The following PTPRR variants were observed in gnomAD, a reference collection of about 807,000 sequenced individuals.
The protein encoded by PTPRR is protein tyrosine phosphatase receptor type R, also known as receptor-type tyrosine-protein phosphatase R.
In PTPRR, 38 loss-of-function variants were observed where a neutral mutation model predicts 77.2. The ratio of observed to expected loss-of-function variants is 0.49; its 90% CI spans 0.38 to 0.65. The LOEUF is 0.65. Ranked by LOEUF, PTPRR falls within the 30% of genes least tolerant of loss-of-function variation. PTPRR has a pLI of 0.00. For synonymous variants in PTPRR, 299 were observed against 283.1 expected, an observed-to-expected ratio of 1.06 and a Z score of -0.57; for missense variants, 744 against 799.2, an observed-to-expected ratio of 0.93 and a Z score of 0.83.
At chr12:70,766,820 C>A (rs1423516452) in intron 2 of PTPRR, among the ~76,000 whole-genome samples, 1 of 152,166 alleles carries the variant, frequency 6.6e-6, no homozygotes, top group African/African-American at 2.4e-5. Context: ...GATCTCTCAA[C>A]AGAAACTCTA....
intron 2 of PTPRR, among the ~76,000 whole-genome samples, chr12:70,855,030 A>G (rs1892629886): frequency 6.6e-6 from 1 of 152,198 alleles, no homozygotes; most frequent in Non-Finnish European, 1.5e-5. Flanking sequence ...TGAAGAGTGC[A>G]TAGTTTGCCT....
chr12:70,723,973 T>C (rs1889347791), intron 6 of PTPRR, among the ~76,000 whole-genome samples: 1 of 152,060 alleles, frequency 6.6e-6, no homozygotes, highest in African/African-American at 2.4e-5. Context: ...CTCCCCAAAA[T>C]TAGACAAACA....
At chr12:70,708,357 G>A (rs1206815438) in intron 6 of PTPRR, among the ~76,000 whole-genome samples, 1 of 152,032 alleles carries the variant, frequency 6.6e-6, no homozygotes, top group Non-Finnish European at 1.5e-5. Flanking sequence ...GAATTGGGGG[G>A]ACTATATTAA....
chr12:70,859,562 G>T (rs1293791908), intron 2 of PTPRR, among the ~76,000 whole-genome samples: 1 of 151,992 alleles, frequency 6.6e-6, no homozygotes, highest in Non-Finnish European at 1.5e-5. Flanking sequence ...ATAATGAATA[G>T]AATAGTCATT....
chr12:70,879,337 T>C (rs1418354118), intron 2 of PTPRR, among the ~76,000 whole-genome samples: 1 of 152,086 alleles, frequency 6.6e-6, no homozygotes, highest in Non-Finnish European at 1.5e-5. Context: ...CCTCCCTCCT[T>C]GTTTATTTTT....
At chr12:70,820,502 T>A (rs953713963) in intron 2 of PTPRR, among the ~76,000 whole-genome samples, 4 of 152,090 alleles carry the variant, frequency 2.6e-5, no homozygotes, top group African/African-American at 9.7e-5. Flanking sequence ...CCTGGCTAAT[T>A]TTTTGTATTT....
At position 70,662,489 on chromosome 12, in the gene PTPRR, T is replaced by G; in HGVS notation, c.1608+6A>C. 1.3e-6 allele frequency: 2 copies of G among 1,548,698 alleles called. No individual in the cohort carries two copies. The highest frequency in any genetic ancestry group is 1.8e-6 in the Non-Finnish European group (2 of 1,124,084). On this transcript the variant is annotated splice_donor_region_variant and intron_variant, in intron 11 of 13. Transcript: ENST00000283228. ...TTTGTAGATGGCTATAGCTACATAATCTTACCTTTAAGACAAGGTTTCGAA... is the reference window on the plus strand; with the variant it reads ...TTTGTAGATGGCTATAGCTACATAAGCTTACCTTTAAGACAAGGTTTCGAA...
intron 4 of PTPRR, chr12:70,754,516 C>A: frequency 1.9e-6 from 3 of 1,578,922 alleles, no homozygotes; most frequent in Admixed American, 3.5e-5. Context: ...CAGGAGCAAG[C>A]GTGCCTGACA....
intron 2 of PTPRR, among the ~76,000 whole-genome samples, chr12:70,814,194 C>T (rs1468344037): frequency 6.6e-6 from 1 of 152,178 alleles, no homozygotes; most frequent in East Asian, 1.9e-4. Flanking sequence ...CTTTTTCTCC[C>T]TCTTCCTCAT....
At chr12:70,865,225 C>A (rs755370626) in intron 2 of PTPRR, among the ~76,000 whole-genome samples, 2 of 110,846 alleles carry the variant, frequency 1.8e-5, no homozygotes, top group African/African-American at 2.6e-5. Flanking sequence ...GTGAGGCCTC[C>A]CCAGCTACGT....
Position 70,639,208 on chromosome 12 carries a change from T to C in PTPRR, c.1950A>G (p.Arg650=), listed in dbSNP as rs1885894618. Residue 650 remains arginine (R), a synonymous_variant, in exon 14 of 14, where the codon AGA becomes AGG. Coordinates refer to ENST00000283228, the MANE Select transcript of PTPRR (RefSeq NM_002849.4). ...CTCACTGGACAGTCTCTGCTGAAAG[T>C]CTGCTCTCATACAGGCACAGAGCAT... ...VHHALCLYES[R]LSAETVQ is the part of the protein sequence containing the mutation. The C allele has an allele frequency of 1.2e-6, 2 of 1,613,422 alleles. No individual in the cohort carries two copies. Among genetic ancestry groups the C allele is most frequent in the Middle Eastern group, 1.7e-4 (1 of 6,058 alleles).
In PTPRR at chr12:70,892,760, C is replaced by T. The variant is rs754622261; in HGVS notation, c.276G>A (p.Pro92=). 32 of 1,613,176 alleles carry T rather than the reference C, an allele frequency of 2.0e-5. No homozygotes were observed. Among genetic ancestry groups the T allele is most frequent in the Middle Eastern group, 1.6e-4 (1 of 6,084 alleles). ...NSAFPRPAYD[P]SLNLLAMDGQ... ...CATCCATGGCCAGCAGATTGAGAGA[C>T]GGGTCATATGCGGGTCTAGGAAATG... is the stretch of plus-strand genomic sequence containing the variant. Residue 92 remains proline (P), a synonymous_variant, in exon 2 of 14, where the codon CCG becomes CCA. Transcript: ENST00000283228.
chr12:70,800,720 C>T (rs762018076), intron 2 of PTPRR, among the ~76,000 whole-genome samples: 2 of 151,928 alleles, frequency 1.3e-5, no homozygotes, highest in African/African-American at 2.4e-5. Flanking sequence ...CATGGTGAAA[C>T]CCCATCTCCA....
chr12:70,783,426 G>C (rs949645545), intron 2 of PTPRR, among the ~76,000 whole-genome samples: 1 of 152,050 alleles, frequency 6.6e-6, no homozygotes, highest in African/African-American at 2.4e-5. Flanking sequence ...CAGCAGAGAG[G>C]GTAGCTCCTC....
Position 70,795,912 on chromosome 12 carries a change from G to GTTTTT in PTPRR, c.358-31135_358-31134insAAAAA, listed in dbSNP as rs1469612032. 2.2e-4 allele frequency among the ~76,000 whole-genome samples: 5 copies of GTTTTT among 22,820 alleles called. 1 individual carries two copies. The highest frequency in any genetic ancestry group is 5.9e-3 in the South Asian group (2 of 338). The allele number at this position is 22,820 out of a possible 152,430, so 15.0% of individuals were successfully genotyped here. On this transcript the variant is annotated intron_variant, in intron 2 of 13. Transcript: ENST00000283228. ...CTATATGTTCAAAATGTATTTAGTA[G>GTTTTT]ATTTTTTTTTTTTTTTTTTTTTTTT...
At chr12:70,797,670 TC>T (rs1162969079) in intron 2 of PTPRR, among the ~76,000 whole-genome samples, 1 of 152,150 alleles carries the variant, frequency 6.6e-6, no homozygotes, top group Non-Finnish European at 1.5e-5. Context: ...ACACTGTGTG[TC>T]CTTATCTAGT....
intron 10 of PTPRR, chr12:70,672,390 G>A (rs1010029544): frequency 2.4e-6 from 3 of 1,234,660 alleles, no homozygotes; most frequent in Non-Finnish European, 3.6e-6. Flanking sequence ...GAGGTAGACT[G>A]GGAAGTGGAG....
chr12:70,641,248 C>T (rs1484638813), intron 13 of PTPRR, among the ~76,000 whole-genome samples: 2 of 152,198 alleles, frequency 1.3e-5, no homozygotes, highest in Non-Finnish European at 2.9e-5. Context: ...ACCATTACTC[C>T]CTCTTGAGCT....
chr12:70,727,955 T>C (rs1305316019), intron 6 of PTPRR, among the ~76,000 whole-genome samples: 1 of 152,038 alleles, frequency 6.6e-6, no homozygotes, highest in Non-Finnish European at 1.5e-5. Context: ...AGTCTAATAA[T>C]CAAAACAAGT....
Sources: gnomAD v4.1 joint callset for allele counts (sites outside exome capture counted in the v4.1 genomes callset) on GRCh38, gnomAD v4.1.1 for gene constraint, MANE v1.5 for transcripts, NCBI Gene and HGNC (gene_info 2026-07-23, HGNC 2026-07-21) for gene names.